The following SMO variants were observed in gnomAD, a reference collection of about 807,000 sequenced individuals.
SMO encodes protein smoothened.
In SMO, 40 loss-of-function variants were observed where a neutral mutation model predicts 81.6. The ratio of observed to expected loss-of-function variants is 0.49; its 90% CI spans 0.38 to 0.64. SMO has a LOEUF of 0.64. Ranked by LOEUF, SMO falls within the 30% of genes least tolerant of loss-of-function variation. The pLI is 0.00. For synonymous variants in SMO, 434 were observed against 432.1 expected, an observed-to-expected ratio of 1.00 and a Z score of -0.05; for missense variants, 916 against 1,061.1, an observed-to-expected ratio of 0.86 and a Z score of 1.90.
Position 129,210,648 on chromosome 7 carries a change from G to A in SMO, c.1652+100G>A, listed in dbSNP as rs1793854582. 1.0e-6 allele frequency: 1 copy of A among 996,418 alleles called. No individual in the cohort carries two copies. The allele number at this position is 996,418 out of a possible 1,614,324, so 61.7% of individuals were successfully genotyped here. On this transcript the variant is annotated intron_variant, in intron 9 of 11. Coordinates refer to ENST00000249373, the MANE Select transcript of SMO (RefSeq NM_005631.5). The surrounding 1 kb of genome is among the most constrained non-coding windows in gnomAD (Gnocchi z 4.7). ...CGGGTCCTGCCTCTAGCACAGCCTT[G>A]GTCAGTGGTTCACCGCTGCCCCCTG...
rs2150653473 is a variant in SMO, at chr7:129,210,298, C to A, written c.1467-65C>A. ...CTAGCCTGGGTGACAGAGCAAGATC[C>A]TATCTCAAAAAAAGAGAGAGGAAAA... On this transcript the variant is annotated intron_variant, in intron 8 of 11. Transcript: ENST00000249373. This position sits in a 1 kb window ranked among gnomAD's most constrained non-coding sequence, Gnocchi z 4.7. 7.2e-7 allele frequency: 1 copy of A among 1,382,546 alleles called. No homozygotes were observed. The highest frequency in any genetic ancestry group is 1.7e-5 in the Admixed American group (1 of 58,370). 85.6% of individuals were successfully genotyped at this position (1,382,546 alleles called of 1,614,324 possible).
rs2150648113 is a variant in SMO at position 129,205,235 on chromosome 7, A to G, written c.570A>G (p.Ser190=). ...TGCAGAACATCAAGTTCAACAGTTC[A>G]GGCCAGTGCGAAGTGCCCTTGGTTC... ...NEVQNIKFNS[S]GQCEVPLVRT... Residue 190 remains serine (S), a synonymous_variant, in exon 3 of 12, where the codon TCA becomes TCG. Coordinates refer to ENST00000249373, the MANE Select transcript of SMO (RefSeq NM_005631.5). The G allele has an allele frequency of 1.2e-6, 2 of 1,614,184 alleles. No individual in the cohort carries two copies. The highest frequency in any genetic ancestry group is 1.7e-6 in the Non-Finnish European group (2 of 1,180,030).
rs372335053 is a variant in SMO, at chr7:129,194,862, A to C, written c.331+5380A>C. Among the ~76,000 whole-genome samples the C allele has an allele frequency of 8.6e-5, 13 of 151,598 alleles. No homozygotes were observed. In the East Asian group the frequency reaches 2.5e-3, roughly 29 times the overall value. ...CAGTGGCGCGATCTCGGCTCACTACACCTCCACCTCCTGGGTTCAAACGAT... is the reference window on the plus strand; with the variant it reads ...CAGTGGCGCGATCTCGGCTCACTACCCCTCCACCTCCTGGGTTCAAACGAT... On this transcript the variant is annotated intron_variant, in intron 1 of 11. Coordinates refer to ENST00000249373, the MANE Select transcript of SMO (RefSeq NM_005631.5).
chr7:129,207,271 C>G (rs1416128391), intron 6 of SMO, among the ~76,000 whole-genome samples: 1 of 152,186 alleles, frequency 6.6e-6, no homozygotes, highest in Non-Finnish European at 1.5e-5. Flanking sequence ...GTTTGGTTAT[C>G]TGTGTGCACA....
At position 129,213,501 on chromosome 7, in the gene SMO, G is replaced by C. The variant is rs1793914613; in HGVS notation, c.*1050G>C. The C allele has an allele frequency of 8.6e-6, 2 of 231,310 alleles. No individual in the cohort carries two copies. Among genetic ancestry groups the C allele is most frequent in the Non-Finnish European group, 1.7e-5 (2 of 116,736 alleles). 14.3% of individuals were successfully genotyped at this position (231,310 alleles called of 1,614,324 possible). ...GCCATAGATGCTGGCTGGGTTCCAG[G>C]TTATGGGGAGAAGAAATACAGTCAA... On this transcript the variant is annotated 3_prime_UTR_variant, in exon 12 of 12. Transcript: ENST00000249373.
rs1793443285 is a variant in SMO at position 129,189,200 on chromosome 7, C to T, written c.49C>T (p.Leu17=). Residue 17 remains leucine, a synonymous_variant, in exon 1 of 12, where the codon CTG becomes TTG. Coordinates refer to ENST00000249373, the MANE Select transcript of SMO (RefSeq NM_005631.5). This position sits in a 1 kb window ranked among gnomAD's most constrained non-coding sequence, Gnocchi z 4.7. ...ARGPELPLLG[L]LLLLLLGDPG... is the part of the protein sequence containing the mutation. Reference sequence around the variant, plus strand: ...GGGGCCGGAGCTCCCGCTCCTGGGGCTGCTGCTGCTGCTGCTGCTGGGGGA... The same window carrying T: ...GGGGCCGGAGCTCCCGCTCCTGGGGTTGCTGCTGCTGCTGCTGCTGGGGGA... 1.0e-6 allele frequency: 1 copy of T among 979,740 alleles called. No homozygotes were observed. 60.7% of individuals were successfully genotyped at this position (979,740 alleles called of 1,614,324 possible).
rs1223793743 is a variant in SMO at position 129,211,009 on chromosome 7, G to A, written c.1697G>A (p.Ser566Asn). The change falls in exon 10 of 12, where the codon AGC becomes AAC. Residue 566 changes from serine (S) to asparagine (N), a missense_variant. By Grantham distance (46) the Ser-to-Asn change is conservative. Around this residue, in one of 4 missense-constraint regions of SMO, gnomAD observed 324 missense variants for 312.9 expected, o/e 1.04. Transcript: ENST00000249373. The surrounding 1 kb of genome is among the most constrained non-coding windows in gnomAD (Gnocchi z 4.6). ...GATGAGCCAAAGCGGATCAAGAAGA[G>A]CAAGATGATTGCCAAGGCCTTCTCT... ...SDDEPKRIKK[S>N]KMIAKAFSKR... 6.2e-7 allele frequency: 1 copy of A among 1,613,976 alleles called. No individual in the cohort carries two copies. Among genetic ancestry groups the A allele is most frequent in the East Asian group, 2.2e-5 (1 of 44,876 alleles).
rs201193021 is a variant in SMO at position 129,209,270 on chromosome 7, C to T, written c.1358-19C>T. The T allele has an allele frequency of 3.2e-4, 484 of 1,491,078 alleles. 4 individuals are homozygous for T. In the Middle Eastern group the frequency reaches 5.7e-3, roughly 17 times the overall value. The allele number at this position is 1,491,078 out of a possible 1,614,324, so 92.4% of individuals were successfully genotyped here. On this transcript the variant is annotated intron_variant, in intron 7 of 11. Transcript: ENST00000249373. ...GGACTGGGCTTGGTAACGTCCTGTC[C>T]TGCCCCTGTCCTCCACAGGCATTTT...
intron 6 of SMO, among the ~76,000 whole-genome samples, chr7:129,207,912 A>G (rs188936698): frequency 5.9e-5 from 9 of 152,154 alleles, no homozygotes; most frequent in Admixed American, 3.9e-4. Flanking sequence ...CAAGACAACA[A>G]CAAAAAGAAA....
chr7:129,192,496 A>G (rs960102866), intron 1 of SMO, among the ~76,000 whole-genome samples: 3 of 152,206 alleles, frequency 2.0e-5, no homozygotes, highest in Non-Finnish European at 4.4e-5. Flanking sequence ...CTCTTTGGGT[A>G]TGGTGTGAAG....
chr7:129,212,932 G>A lies in SMO; in HGVS notation c.*481G>A, dbSNP rs551237616. 27 of 266,864 alleles carry A rather than the reference G, an allele frequency of 1.0e-4. No homozygotes were observed. The highest frequency in any genetic ancestry group is 5.0e-5 in the Admixed American group (1 of 20,112). The allele number at this position is 266,864 out of a possible 1,614,324, so 16.5% of individuals were successfully genotyped here. ...GTGTTGACTGTGTCATTAGTCCTTT[G>A]TCTAAGTAGGGCCAGGGCACCGTAT... On this transcript the variant is annotated 3_prime_UTR_variant, in exon 12 of 12. Transcript: ENST00000249373. The surrounding 1 kb of genome is among the most constrained non-coding windows in gnomAD (Gnocchi z 5.0).
chr7:129,204,625 G>A (rs981928140), intron 2 of SMO, among the ~76,000 whole-genome samples: 6 of 152,100 alleles, frequency 3.9e-5, no homozygotes, highest in Non-Finnish European at 5.9e-5. Flanking sequence ...CAGCCTGGGC[G>A]ACAGAGCCAG....
At chr7:129,200,895 C>A (rs1476234358) in intron 1 of SMO, among the ~76,000 whole-genome samples, 2 of 152,116 alleles carry the variant, frequency 1.3e-5, no homozygotes, top group Non-Finnish European at 1.5e-5. Flanking sequence ...ACCACCACGC[C>A]TGGTTAATTT....
intron 8 of SMO, 95 bp downstream of exon 8, chr7:129,209,492 G>GCAAA: frequency 1.3e-6 from 1 of 753,054 alleles, no homozygotes; most frequent in Non-Finnish European, 2.3e-6. Flanking sequence ...GATTTGCCAG[G>GCAAA]TCCCTGCTGC....
chr7:129,212,615 T>C lies in SMO; in HGVS notation c.*164T>C. The C allele has an allele frequency of 1.5e-6, 1 of 674,786 alleles. No homozygotes were observed. The highest frequency in any genetic ancestry group is 2.5e-6 in the Non-Finnish European group (1 of 405,096). 41.8% of individuals were successfully genotyped at this position (674,786 alleles called of 1,614,324 possible). On this transcript the variant is annotated 3_prime_UTR_variant, in exon 12 of 12. Transcript: ENST00000249373. The surrounding 1 kb of genome is among the most constrained non-coding windows in gnomAD (Gnocchi z 5.0). ...TGTCTGGCTCAAAGCAGCAGGACTG[T>C]GGGAAAGAGCCTAACATCTCCATGG...
chr7:129,195,974 G>A (rs915573640), intron 1 of SMO, among the ~76,000 whole-genome samples: 6 of 151,898 alleles, frequency 4.0e-5, no homozygotes, highest in South Asian at 2.1e-4. Context: ...GGTGGTGGGC[G>A]CCTGTAGTCC....
intron 1 of SMO, among the ~76,000 whole-genome samples, chr7:129,197,016 C>CAAAAA (rs11445153): frequency 2.6e-5 from 3 of 113,382 alleles, no homozygotes; most frequent in African/African-American, 1.1e-4. Flanking sequence ...GACACCGTCT[C>CAAAAA]AAAAAAAAAA....
chr7:129,205,153 G>C (rs900658042), intron 2 of SMO, 50 bp from the exon 3 acceptor site: 2 of 1,527,176 alleles, frequency 1.3e-6, no homozygotes, highest in South Asian at 1.1e-5. Flanking sequence ...TAAACAAGAG[G>C]CTCGTCCCTG....
intron 1 of SMO, among the ~76,000 whole-genome samples, chr7:129,202,451 T>G (rs1374429732): frequency 1.3e-5 from 2 of 152,154 alleles, no homozygotes; most frequent in Non-Finnish European, 2.9e-5. Context: ...ATCCTCATAT[T>G]CTCTCCTAAT....
Sources: allele counts gnomAD v4.1 joint callset (sites outside exome capture counted in the v4.1 genomes callset), GRCh38; gene constraint gnomAD v4.1.1; regional missense constraint gnomAD v4.1.1; non-coding constraint Gnocchi (gnomAD v3.1); transcripts MANE v1.5; gene names NCBI Gene and HGNC (gene_info 2026-07-23, HGNC 2026-07-21).